Variants in NUP205 observed in about 807,000 individuals in gnomAD.
The protein encoded by NUP205 is nuclear pore complex protein Nup205.
A neutral mutation model predicts 253.8 loss-of-function variants in NUP205; 76 were observed. The observed-to-expected ratio is 0.30, with a 90% CI of 0.25 to 0.36. The LOEUF (loss-of-function observed/expected upper bound fraction) is 0.36. Among genes scored for constraint, NUP205 ranks in the 10% least tolerant of loss-of-function variants. The pLI is 1.00. For missense variants in NUP205, 2,162 were observed against 2,425.5 expected, an observed-to-expected ratio of 0.89 and a Z score of 2.28; for synonymous variants, 832 against 850.1, an observed-to-expected ratio of 0.98 and a Z score of 0.37.
chr7:135,576,506 T>C, intron 4 of NUP205, 92 bp downstream of exon 4: 1 of 1,087,540 alleles, frequency 9.2e-7, no homozygotes, highest in Non-Finnish European at 1.4e-6. Flanking sequence ...GAGCAATATG[T>C]AACATAAGCT....
intron 1 of NUP205, among the ~76,000 whole-genome samples, chr7:135,561,986 C>T (rs184563137): frequency 9.8e-4 from 148 of 151,330 alleles, no homozygotes; most frequent in Non-Finnish European, 1.4e-3. Context: ...GGTGCAGTCT[C>T]GGCTCACTGC....
chr7:135,601,081 T>C (rs1793956290), intron 16 of NUP205, 112 bp downstream of exon 16: 1 of 617,130 alleles, frequency 1.6e-6, no homozygotes, highest in Non-Finnish European at 2.7e-6. Context: ...ATTTAATCTT[T>C]TGTTTCATTG....
intron 39 of NUP205, among the ~76,000 whole-genome samples, chr7:135,644,127 G>C (rs960849725): frequency 7.9e-5 from 12 of 152,152 alleles, no homozygotes; most frequent in African/African-American, 2.9e-4. Context: ...CTAACACCCG[G>C]GCAGATATTG....
intron 22 of NUP205, 40 bp downstream of exon 22, chr7:135,607,411 A>T: frequency 6.2e-7 from 1 of 1,602,724 alleles, no homozygotes; most frequent in African/African-American, 1.3e-5. Context: ...GAATAGAAGA[A>T]ACTTGACCAG....
chr7:135,564,073 G>GT (rs1173969729), intron 1 of NUP205, among the ~76,000 whole-genome samples: 2,053 of 148,586 alleles, frequency 0.014, 53 homozygotes, highest in African/African-American at 0.047. Flanking sequence ...TACCTTTGGT[G>GT]TTTTTTTTTT....
In NUP205 at chr7:135,593,132, C is replaced by G. The variant is rs148708012; in HGVS notation, c.1770C>G (p.Thr590=). The change falls in exon 12 of 43, where the codon ACC becomes ACG. Residue 590 remains threonine (T), a synonymous_variant. Coordinates refer to ENST00000285968, the MANE Select transcript of NUP205 (RefSeq NM_015135.3). ...QYRHLPSRGI[T]QKEQDGLIAF... ...GTCACCTTCCTTCCCGTGGCATCAC[C>G]CAGAAGGAGCAAGATGGATTGATTG... The G allele has an allele frequency of 6.2e-7, 1 of 1,614,058 alleles. No homozygotes were observed. The highest frequency in any genetic ancestry group is 1.3e-5 in the African/African-American group (1 of 75,024).
chr7:135,618,220 A>T (rs1231179577), intron 27 of NUP205, among the ~76,000 whole-genome samples, 192 bp from the exon 28 acceptor site: 1 of 152,246 alleles, frequency 6.6e-6, no homozygotes, highest in African/African-American at 2.4e-5. Context: ...CCTACCTTTC[A>T]TGCACATACA....
At chr7:135,604,000 G>T (rs1794027568) in intron 18 of NUP205, among the ~76,000 whole-genome samples, 1 of 152,158 alleles carries the variant, frequency 6.6e-6, no homozygotes, top group Non-Finnish European at 1.5e-5. Context: ...TTCCCTGTGT[G>T]TGTGTTTGTG....
chr7:135,582,855 C>G (rs1216109212), intron 7 of NUP205, among the ~76,000 whole-genome samples: 3 of 136,602 alleles, frequency 2.2e-5, no homozygotes, highest in Non-Finnish European at 4.9e-5. Flanking sequence ...CTTGGGGAGG[C>G]CGAGGCGGGT....
chr7:135,573,868 AT>A (rs770934026), intron 3 of NUP205, 43 bp downstream of exon 3: 67 of 1,457,990 alleles, frequency 4.6e-5, no homozygotes, highest in Admixed American at 1.4e-4. Context: ...ATAATGCAAA[AT>A]TATAAAATCA....
chr7:135,600,718 T>G, intron 15 of NUP205, 152 bp from the exon 16 acceptor site: 1 of 420,390 alleles, frequency 2.4e-6, no homozygotes, highest in Non-Finnish European at 4.3e-6. Flanking sequence ...GCAAAATGAA[T>G]TGGGATTTCT....
chr7:135,628,135 T>G, intron 34 of NUP205, 24 bp downstream of exon 34: 1 of 1,601,080 alleles, frequency 6.2e-7, no homozygotes, highest in African/African-American at 1.4e-5. Context: ...TTTGTTTAGA[T>G]ATTGTCTAGA....
chr7:135,610,408 G>A (rs1397465499), intron 22 of NUP205, among the ~76,000 whole-genome samples: 1 of 152,130 alleles, frequency 6.6e-6, no homozygotes, highest in East Asian at 1.9e-4. Context: ...TTAGTAGAGA[G>A]GGGGCTTCAC....
chr7:135,621,596 A>G (rs1306576755), intron 30 of NUP205, among the ~76,000 whole-genome samples: 1 of 152,240 alleles, frequency 6.6e-6, no homozygotes, highest in Non-Finnish European at 1.5e-5. Context: ...AGAGTCTCAC[A>G]TAAGAGTATG....
In NUP205 at chr7:135,588,005, G is replaced by A; in HGVS notation, c.1473+13G>A. 1 of 1,602,134 alleles carries A rather than the reference G, an allele frequency of 6.2e-7. No homozygotes were observed. Among genetic ancestry groups the A allele is most frequent in the Non-Finnish European group, 8.5e-7 (1 of 1,176,688 alleles). ...CCCTCAACGCCAGGTGAGTCTTTAG[G>A]TTTTCCTCTTTTATACTCTGGTACT... On this transcript the variant is annotated intron_variant, in intron 10 of 42. Coordinates refer to ENST00000285968, the MANE Select transcript of NUP205 (RefSeq NM_015135.3).
chr7:135,559,235 TTA>T (rs1344845290), intron 1 of NUP205, among the ~76,000 whole-genome samples: 8 of 152,256 alleles, frequency 5.3e-5, no homozygotes, highest in Admixed American at 1.3e-4. Flanking sequence ...CTAATTCATT[TTA>T]TGATATTAGA....
intron 22 of NUP205, among the ~76,000 whole-genome samples, chr7:135,612,477 G>C (rs1366571405): frequency 6.6e-6 from 1 of 152,046 alleles, no homozygotes; most frequent in Non-Finnish European, 1.5e-5. Context: ...TTGCACTTAG[G>C]GACAAGGCAG....
intron 1 of NUP205, among the ~76,000 whole-genome samples, chr7:135,562,412 T>A (rs775106971): frequency 5.3e-5 from 8 of 151,578 alleles, no homozygotes; most frequent in Admixed American, 6.6e-5. Flanking sequence ...TGGCCAGGGG[T>A]GCCTCGAATT....
chr7:135,606,000 A>G (rs969322020), intron 19 of NUP205, 145 bp from the exon 20 acceptor site: 9 of 566,048 alleles, frequency 1.6e-5, no homozygotes, highest in Non-Finnish European at 2.5e-5. Context: ...TGAGTTTTCT[A>G]TTAAAAATGT....
Sources: gnomAD v4.1 joint callset for allele counts (sites outside exome capture counted in the v4.1 genomes callset) on GRCh38, gnomAD v4.1.1 for gene constraint, MANE v1.5 for transcripts, NCBI Gene and HGNC (gene_info 2026-07-23, HGNC 2026-07-21) for gene names.